RAD51: variants seen among roughly 807,000 people sequenced by gnomAD.
RAD51 encodes DNA repair protein RAD51 homolog 1.
In RAD51, 14 loss-of-function variants were observed where a neutral mutation model predicts 41.5. The observed-to-expected ratio is 0.34, with a 90% CI of 0.22 to 0.53. The LOEUF is 0.53. RAD51 is among the 20% of genes least tolerant of loss of function. The pLI is 0.95. For missense variants in RAD51, 234 were observed against 422.0 expected, an observed-to-expected ratio of 0.55 and a Z score of 3.90; for synonymous variants, 136 against 148.6, an observed-to-expected ratio of 0.92 and a Z score of 0.62.
At chr15:40,714,891 G>A (rs1293808603) in intron 5 of RAD51, among the ~76,000 whole-genome samples, 1 of 152,202 alleles carries the variant, frequency 6.6e-6, no homozygotes, top group African/African-American at 2.4e-5. Flanking sequence ...TTAAAATTCT[G>A]GGCCGGGTAT....
intron 1 of RAD51, among the ~76,000 whole-genome samples, chr15:40,696,920 C>G (rs899201794): frequency 1.3e-5 from 2 of 152,082 alleles, no homozygotes; most frequent in Non-Finnish European, 2.9e-5. Flanking sequence ...TTGTTCAAAT[C>G]TCTTGCCTAT....
intron 2 of RAD51, among the ~76,000 whole-genome samples, chr15:40,699,132 G>A (rs1338378332): frequency 2.6e-5 from 4 of 152,136 alleles, no homozygotes; most frequent in African/African-American, 4.8e-5. Flanking sequence ...GAATCTCTGT[G>A]CTGTTTTTGT....
intron 3 of RAD51, 127 bp from the exon 4 acceptor site, chr15:40,706,050 T>A: frequency 1.5e-6 from 1 of 675,898 alleles, no homozygotes. Flanking sequence ...TATTTGATAT[T>A]TTCTCTTCCC....
intron 3 of RAD51, among the ~76,000 whole-genome samples, chr15:40,702,362 A>C (rs1291445686): frequency 6.6e-6 from 1 of 152,200 alleles, no homozygotes; most frequent in Non-Finnish European, 1.5e-5. Flanking sequence ...TTGGTTTCAG[A>C]AATCAAGTCA....
intron 6 of RAD51, among the ~76,000 whole-genome samples, chr15:40,727,856 TTC>T (rs1430652976): frequency 9.6e-5 from 14 of 145,896 alleles, no homozygotes; most frequent in African/African-American, 2.6e-4. Flanking sequence ...TATGTAAACA[TTC>T]TCTTTTTTTT....
chr15:40,724,248 C>G (rs940959268), intron 6 of RAD51, among the ~76,000 whole-genome samples: 2 of 152,026 alleles, frequency 1.3e-5, no homozygotes, highest in Admixed American at 6.6e-5. Flanking sequence ...TTGTGTCTTC[C>G]CTCTCAAAAT....
At chr15:40,728,973 T>C in intron 7 of RAD51, 149 bp downstream of exon 7, 1 of 732,942 alleles carries the variant, frequency 1.4e-6, no homozygotes, top group Non-Finnish European at 2.3e-6. Context: ...CTTTGTAGTT[T>C]AGGTCAAGTC....
chr15:40,712,184 AAAG>A (rs1041994956), intron 5 of RAD51, among the ~76,000 whole-genome samples: 1 of 152,228 alleles, frequency 6.6e-6, no homozygotes, highest in African/African-American at 2.4e-5. Flanking sequence ...TAGTGACAAT[AAAG>A]AGAAGTAGGG....
Position 40,731,707 on chromosome 15 carries a change from C to A in RAD51, c.*529C>A. 1 of 231,664 alleles carries A rather than the reference C, an allele frequency of 4.3e-6. No homozygotes were observed. Among genetic ancestry groups the A allele is most frequent in the Non-Finnish European group, 8.6e-6 (1 of 116,142 alleles). 14.4% of individuals were successfully genotyped at this position (231,664 alleles called of 1,614,324 possible). A position where few individuals can be genotyped will look rare whatever the true frequency, so the allele number is the denominator to read the frequency against. On this transcript the variant is annotated 3_prime_UTR_variant, in exon 10 of 10. Coordinates refer to ENST00000267868, the MANE Select transcript of RAD51 (RefSeq NM_002875.5). ...TTGGTTATGGAGTCTTGTGCCAAAC[C>A]TACTAGGCCATTAGCCCTTCACCAT...
At chr15:40,707,274 G>C (rs934173973) in intron 4 of RAD51, among the ~76,000 whole-genome samples, 1 of 144,154 alleles carries the variant, frequency 6.9e-6, no homozygotes, top group African/African-American at 2.6e-5. Context: ...TGGGATTATA[G>C]GCTTGAGCCA....
chr15:40,696,312 C>T (rs758736987), intron 1 of RAD51, among the ~76,000 whole-genome samples: 1 of 151,944 alleles, frequency 6.6e-6, no homozygotes, highest in African/African-American at 2.4e-5. Context: ...TCGTGTCTCA[C>T]GTCTGTAGTC....
At position 40,729,362 on chromosome 15, in the gene RAD51, G is replaced by GA. The variant is rs1477351328; in HGVS notation, c.645-142dup. On this transcript the variant is annotated intron_variant, in intron 7 of 9. Coordinates refer to ENST00000267868, the MANE Select transcript of RAD51 (RefSeq NM_002875.5). Reference sequence around the variant, plus strand: ...CACTCCAGCCTGGGCGACAGAGCTAGACTCCATCTCAAAAAAAAAAAAAAA... The same window carrying GA: ...CACTCCAGCCTGGGCGACAGAGCTAGAACTCCATCTCAAAAAAAAAAAAAAA... 5.6e-6 allele frequency: 5 copies of GA among 890,520 alleles called. No individual in the cohort carries two copies. The Admixed American group carries it at 1.2e-4, about 22-fold the overall frequency. 55.2% of individuals were successfully genotyped at this position (890,520 alleles called of 1,614,324 possible). A position where few individuals can be genotyped will look rare whatever the true frequency, so the allele number is the denominator to read the frequency against.
intron 5 of RAD51, among the ~76,000 whole-genome samples, chr15:40,711,874 A>G (rs1220769631): frequency 6.6e-6 from 1 of 152,256 alleles, no homozygotes; most frequent in African/African-American, 2.4e-5. Flanking sequence ...CAGGAGTTTG[A>G]GACCAGCCTG....
chr15:40,699,247 G>T (rs1182218083), intron 2 of RAD51, among the ~76,000 whole-genome samples: 1 of 152,116 alleles, frequency 6.6e-6, no homozygotes, highest in Non-Finnish European at 1.5e-5. Flanking sequence ...AGGTTCAAGC[G>T]ATTCTCCTGC....
chr15:40,729,667 C>CT (rs1184345776), intron 8 of RAD51, 33 bp downstream of exon 8: 2 of 1,612,742 alleles, frequency 1.2e-6, no homozygotes, highest in Non-Finnish European at 1.7e-6. Context: ...AGAATGCCTA[C>CT]TTTCAGTGGC....
At chr15:40,716,413 C>T (rs940174166) in intron 5 of RAD51, among the ~76,000 whole-genome samples, 6 of 151,976 alleles carry the variant, frequency 3.9e-5, no homozygotes, top group Non-Finnish European at 5.9e-5. Context: ...GTCACCCAAA[C>T]TGGAGTGCAG....
chr15:40,727,209 C>T (rs1315053266), intron 6 of RAD51, among the ~76,000 whole-genome samples: 2 of 151,748 alleles, frequency 1.3e-5, no homozygotes, highest in African/African-American at 4.8e-5. Flanking sequence ...CAATCCTCCC[C>T]ACTCAGCCTC....
chr15:40,731,253 C>T lies in RAD51; in HGVS notation c.*75C>T, dbSNP rs771253637. ...AGAGTGCACTGCTCCCTGGGGTTCT[C>T]TACAGGCCTCTTCCTGTTGTGACTG... On this transcript the variant is annotated 3_prime_UTR_variant, in exon 10 of 10. Coordinates refer to ENST00000267868, the MANE Select transcript of RAD51 (RefSeq NM_002875.5). 5.0e-6 allele frequency: 8 copies of T among 1,590,296 alleles called. No individual in the cohort carries two copies. The East Asian group carries it at 1.3e-4, about 27-fold the overall frequency.
At chr15:40,708,131 C>T (rs189537966) in intron 4 of RAD51, among the ~76,000 whole-genome samples, 6 of 150,308 alleles carry the variant, frequency 4.0e-5, no homozygotes, top group East Asian at 2.0e-4. Flanking sequence ...TATTCTTCTG[C>T]CTCCGCCTCC....
Sources: gnomAD v4.1 joint callset for allele counts (sites outside exome capture counted in the v4.1 genomes callset) on GRCh38, gnomAD v4.1.1 for gene constraint, MANE v1.5 for transcripts, NCBI Gene and HGNC (gene_info 2026-07-23, HGNC 2026-07-21) for gene names.